The following BAIAP2 variants were observed in gnomAD, a reference collection of about 807,000 sequenced individuals.
BAIAP2 encodes the protein BAR/IMD domain-containing adapter protein 2.
BAIAP2 carries 18 observed loss-of-function variants against 63.0 expected under a neutral mutation model. The ratio of observed to expected loss-of-function variants is 0.29; its 90% CI spans 0.20 to 0.42. BAIAP2 has a LOEUF of 0.42. Ranked by LOEUF, BAIAP2 falls within the 10% of genes least tolerant of loss-of-function variation. The pLI, the probability that BAIAP2 is intolerant of heterozygous loss-of-function variation, is 1.00. For synonymous variants in BAIAP2, 386 were observed against 307.6 expected, an observed-to-expected ratio of 1.25 and a Z score of -2.67; for missense variants, 610 against 734.3, an observed-to-expected ratio of 0.83 and a Z score of 1.96.
chr17:81,096,941 GGAGGAGAAAGTA>G (rs2057721703), intron 6 of BAIAP2, among the ~76,000 whole-genome samples: 1 of 152,166 alleles, frequency 6.6e-6, no homozygotes, highest in African/African-American at 2.4e-5. Flanking sequence ...AGGAGGAGGT[GGAGGAGAAAGTA>G]GAGGAGGAGA....
At chr17:81,090,061 G>A (rs1040215023) in intron 6 of BAIAP2, among the ~76,000 whole-genome samples, 1 of 152,178 alleles carries the variant, frequency 6.6e-6, no homozygotes, top group Non-Finnish European at 1.5e-5. Context: ...AGAACTTGCA[G>A]CTGCTCCTCC....
intron 3 of BAIAP2, among the ~76,000 whole-genome samples, chr17:81,073,293 G>T (rs1214185291): frequency 6.6e-6 from 1 of 152,128 alleles, no homozygotes; most frequent in Non-Finnish European, 1.5e-5. Flanking sequence ...TTTACCACCT[G>T]GGGTGCCTTT....
intron 3 of BAIAP2, among the ~76,000 whole-genome samples, chr17:81,065,921 C>G (rs2051377244): frequency 6.6e-6 from 1 of 152,270 alleles, no homozygotes; most frequent in South Asian, 2.1e-4. Context: ...GGACGGTGCC[C>G]TGTCTTCAGT....
chr17:81,094,510 C>T (rs371043801), intron 6 of BAIAP2, among the ~76,000 whole-genome samples: 16 of 152,198 alleles, frequency 1.1e-4, no homozygotes, highest in African/African-American at 2.7e-4. Flanking sequence ...CCTTGGGGAG[C>T]GGAATGACCA....
intron 1 of BAIAP2, among the ~76,000 whole-genome samples, chr17:81,041,206 C>CGTTGG (rs2143532481): frequency 6.6e-6 from 1 of 152,356 alleles, no homozygotes; most frequent in Admixed American, 6.5e-5. Flanking sequence ...GGAGTCTTGC[C>CGTTGG]TGGCCAGTCC....
At chr17:81,068,599 C>T (rs763241032) in intron 3 of BAIAP2, among the ~76,000 whole-genome samples, 3 of 152,228 alleles carry the variant, frequency 2.0e-5, no homozygotes, top group East Asian at 1.9e-4. Flanking sequence ...GCCGCACAGA[C>T]GGAGCCAGCA....
At chr17:81,091,876 C>T (rs982171259) in intron 6 of BAIAP2, among the ~76,000 whole-genome samples, 4 of 152,214 alleles carry the variant, frequency 2.6e-5, no homozygotes, top group Admixed American at 1.3e-4. Flanking sequence ...GCATGTCCCT[C>T]ACCTGGCAGC....
intron 6 of BAIAP2, among the ~76,000 whole-genome samples, chr17:81,097,086 CTG>C (rs1226152558): frequency 6.6e-6 from 1 of 152,214 alleles, no homozygotes; most frequent in Non-Finnish European, 1.5e-5. Context: ...GGCCTCTCAC[CTG>C]TGATCAAACT....
At chr17:81,104,845 G>A in intron 10 of BAIAP2, 130 bp downstream of exon 10, 5 of 994,546 alleles carry the variant, frequency 5.0e-6, no homozygotes, top group Non-Finnish European at 7.3e-6. Context: ...CGCCGTAGAA[G>A]ACCTGGGCAG....
intron 6 of BAIAP2, among the ~76,000 whole-genome samples, chr17:81,089,407 T>C (rs1439049895): frequency 2.0e-5 from 3 of 152,216 alleles, no homozygotes; most frequent in Admixed American, 6.5e-5. Flanking sequence ...GCCTCAGTGC[T>C]GTGGTCCACG....
At chr17:81,113,512 C>G (rs2060149370) in intron 13 of BAIAP2, among the ~76,000 whole-genome samples, 1 of 152,220 alleles carries the variant, frequency 6.6e-6, no homozygotes. Flanking sequence ...TCCCAGACAG[C>G]TGGGGGGTGG....
chr17:81,066,368 G>A (rs763915052), intron 3 of BAIAP2, among the ~76,000 whole-genome samples: 16 of 152,244 alleles, frequency 1.1e-4, no homozygotes, highest in Non-Finnish European at 1.6e-4. Flanking sequence ...TGAAACTGTG[G>A]GCTGGATTTT....
Position 81,098,043 on chromosome 17 carries a change from C to T in BAIAP2, c.490-1885C>T, listed in dbSNP as rs535718657. ...TGTGCCATAGGGCTGTGGTGTCACG[C>T]GCTACCCCAGACCTCAGGCACATGA... On this transcript the variant is annotated intron_variant, in intron 6 of 13. Coordinates refer to ENST00000428708, the MANE Select transcript of BAIAP2 (RefSeq NM_001144888.2). The T allele has an allele frequency of 4.4e-4, 514 of 1,164,660 alleles. 1 individual carries two copies. In the African/African-American group the frequency reaches 7.0e-3, roughly 16 times the overall value. 72.1% of individuals were successfully genotyped at this position (1,164,660 alleles called of 1,614,324 possible).
intron 3 of BAIAP2, among the ~76,000 whole-genome samples, chr17:81,060,735 C>T (rs902048648): frequency 6.6e-6 from 1 of 152,184 alleles, no homozygotes; most frequent in Non-Finnish European, 1.5e-5. Flanking sequence ...CACTTCCCAC[C>T]CTCCTAGTGT....
Position 81,099,841 on chromosome 17 carries a change from TTGAC to T in BAIAP2, c.490-83_490-80del, listed in dbSNP as rs915670280. ...GCTCTGCATGAATGAGACGTGTCCT[TTGAC>T]TGAGTCCGTGGGGCTGCCCCAAACC... On this transcript the variant is annotated intron_variant, in intron 6 of 13. Transcript: ENST00000428708. 2.7e-5 allele frequency: 39 copies of T among 1,468,508 alleles called. No individual in the cohort carries two copies. In the East Asian group the frequency reaches 3.9e-4, roughly 15 times the overall value. The allele number at this position is 1,468,508 out of a possible 1,614,324, so 91.0% of individuals were successfully genotyped here.
At position 81,071,922 on chromosome 17, in the gene BAIAP2, G is replaced by C. The variant is rs533875836; in HGVS notation, c.218-12910G>C. Among the ~76,000 whole-genome samples, 153 of 152,378 alleles carry C rather than the reference G, an allele frequency of 1.0e-3. 1 individual carries two copies. The highest frequency in any genetic ancestry group is 2.5e-3 in the South Asian group (12 of 4,832). ...GAGCATGCAGGTCTATGCCTCTGCA[G>C]AGTCTGGGGCATCTTGTTCCATTTC... On this transcript the variant is annotated intron_variant, in intron 3 of 13. Transcript: ENST00000428708.
chr17:81,113,260 TTC>T (rs1451716069), intron 13 of BAIAP2, among the ~76,000 whole-genome samples: 1 of 152,104 alleles, frequency 6.6e-6, no homozygotes, highest in Non-Finnish European at 1.5e-5. Flanking sequence ...TCTGGTGACT[TTC>T]CTTTGCTGGC....
At position 81,069,533 on chromosome 17, in the gene BAIAP2, C is replaced by A. The variant is rs554385847; in HGVS notation, c.217+11566C>A. 3.9e-5 allele frequency among the ~76,000 whole-genome samples: 6 copies of A among 152,304 alleles called. No homozygotes were observed. In the South Asian group the frequency reaches 6.2e-4, roughly 16 times the overall value. On this transcript the variant is annotated intron_variant, in intron 3 of 13. Coordinates refer to ENST00000428708, the MANE Select transcript of BAIAP2 (RefSeq NM_001144888.2). ...CCATGGGACTCTGGGCAGCTGGGGT[C>A]CAGGGCTGGCTTCAAGGACGCCTGC... is the stretch of plus-strand genomic sequence containing the variant.
chr17:81,069,474 T>C (rs1330257625), intron 3 of BAIAP2, among the ~76,000 whole-genome samples: 1 of 152,136 alleles, frequency 6.6e-6, no homozygotes, highest in Non-Finnish European at 1.5e-5. Context: ...CGGTCTGAAC[T>C]GCCCACCTGG....
Sources: allele counts gnomAD v4.1 joint callset (sites outside exome capture counted in the v4.1 genomes callset), GRCh38; gene constraint gnomAD v4.1.1; transcripts MANE v1.5; gene names NCBI Gene and HGNC (gene_info 2026-07-23, HGNC 2026-07-21).